The following INPP4B variants were observed in gnomAD, a reference collection of about 807,000 sequenced individuals.
INPP4B encodes the protein inositol polyphosphate 4-phosphatase type II.
A neutral mutation model predicts 122.5 loss-of-function variants in INPP4B; 55 were observed. That is an observed-to-expected ratio of 0.45 (90% CI 0.36 to 0.56). INPP4B has a LOEUF of 0.56. Among genes scored for constraint, INPP4B ranks in the 20% least tolerant of loss-of-function variants. INPP4B has a pLI of 0.00. For synonymous variants in INPP4B, 403 were observed against 388.7 expected (o/e 1.04, Z -0.43); for missense variants, 1,000 against 1,097.7 (o/e 0.91, Z 1.26).
intron 1 of INPP4B, among the ~76,000 whole-genome samples, chr4:142,771,668 T>C (rs1773090036): frequency 6.6e-6 from 1 of 152,134 alleles, no homozygotes; most frequent in African/African-American, 2.4e-5. Flanking sequence ...ACTGCAGTGC[T>C]ATAAATGGTT....
intron 2 of INPP4B, among the ~76,000 whole-genome samples, chr4:142,618,311 C>T (rs926937354): frequency 3.3e-5 from 5 of 152,018 alleles, no homozygotes; most frequent in African/African-American, 4.8e-5. Context: ...GGAGAAATCA[C>T]GCTTCCTGGT....
intron 8 of INPP4B, among the ~76,000 whole-genome samples, chr4:142,307,589 T>C (rs963884221): frequency 6.6e-6 from 1 of 152,348 alleles, no homozygotes; most frequent in East Asian, 1.9e-4. Flanking sequence ...CAGCTATTTA[T>C]AAACTACTGT....
At chr4:142,687,840 C>T (rs1045624166) in intron 2 of INPP4B, among the ~76,000 whole-genome samples, 1 of 152,102 alleles carries the variant, frequency 6.6e-6, no homozygotes, top group Non-Finnish European at 1.5e-5. Flanking sequence ...TTTTCATCAC[C>T]TAAGCTGCCA....
chr4:142,751,547 C>G (rs979692703), intron 1 of INPP4B, among the ~76,000 whole-genome samples: 5 of 152,112 alleles, frequency 3.3e-5, no homozygotes, highest in African/African-American at 9.7e-5. Context: ...CTTCAAGAAG[C>G]AGTAACACTC....
chr4:142,830,292 G>T (rs952009717), intron 1 of INPP4B, among the ~76,000 whole-genome samples: 6 of 152,140 alleles, frequency 3.9e-5, no homozygotes, highest in Admixed American at 1.3e-4. Context: ...ATTTAATATT[G>T]CCAAGTGGTC....
chr4:142,546,303 T>C (rs941085768), intron 2 of INPP4B, among the ~76,000 whole-genome samples: 4 of 152,232 alleles, frequency 2.6e-5, no homozygotes, highest in Non-Finnish European at 2.9e-5. Context: ...TTCCATTGTG[T>C]ATATGTACCA....
intron 21 of INPP4B, among the ~76,000 whole-genome samples, chr4:142,118,837 C>G (rs1439503289): frequency 1.3e-5 from 2 of 149,934 alleles, no homozygotes; most frequent in African/African-American, 4.9e-5. Flanking sequence ...CAAAAGAAAC[C>G]ACCATCAGAG....
intron 4 of INPP4B, 21 bp from the exon 5 acceptor site, chr4:142,429,238 T>C (rs1808772921): frequency 1.4e-6 from 2 of 1,434,944 alleles, no homozygotes; most frequent in African/African-American, 1.4e-5. Flanking sequence ...TAGGAGCAAA[T>C]TCAGATTTTT....
intron 18 of INPP4B, among the ~76,000 whole-genome samples, chr4:142,138,723 T>G (rs1806080021): frequency 6.6e-6 from 1 of 152,014 alleles, no homozygotes; most frequent in Non-Finnish European, 1.5e-5. Context: ...CCTACAGGCT[T>G]GTTGTGAAAA....
intron 2 of INPP4B, among the ~76,000 whole-genome samples, chr4:142,653,106 A>C (rs547054068): frequency 1.3e-5 from 2 of 152,336 alleles, no homozygotes; most frequent in East Asian, 3.9e-4. Flanking sequence ...CAAACCTGAC[A>C]AAAACAGGAA....
chr4:142,573,901 T>A (rs762525902), intron 2 of INPP4B, among the ~76,000 whole-genome samples: 6 of 152,146 alleles, frequency 3.9e-5, no homozygotes, highest in Non-Finnish European at 8.8e-5. Context: ...TACTTAAAAC[T>A]TCTTGGCTAC....
chr4:142,535,933 C>T (rs1828143533), intron 2 of INPP4B, among the ~76,000 whole-genome samples: 1 of 152,198 alleles, frequency 6.6e-6, no homozygotes, highest in African/African-American at 2.4e-5. Flanking sequence ...TTTTCTCAGA[C>T]TCCCTATGTC....
chr4:142,586,042 G>A (rs888654262), intron 2 of INPP4B, among the ~76,000 whole-genome samples: 1 of 151,948 alleles, frequency 6.6e-6, no homozygotes, highest in African/African-American at 2.4e-5. Flanking sequence ...GGGAGTGGTG[G>A]CTCATGCCTG....
intron 2 of INPP4B, among the ~76,000 whole-genome samples, chr4:142,477,309 G>A (rs911616103): frequency 6.6e-6 from 1 of 152,016 alleles, no homozygotes; most frequent in Non-Finnish European, 1.5e-5. Context: ...TGTTAAGAGG[G>A]AATTTGATAG....
At chr4:142,275,871 C>T (rs1748149700) in intron 9 of INPP4B, among the ~76,000 whole-genome samples, 2 of 151,334 alleles carry the variant, frequency 1.3e-5, no homozygotes, top group African/African-American at 4.9e-5. Flanking sequence ...GAAGATCTAC[C>T]CCAATCCCAT....
At chr4:142,280,747 A>C (rs1457711638) in intron 9 of INPP4B, among the ~76,000 whole-genome samples, 2 of 152,026 alleles carry the variant, frequency 1.3e-5, no homozygotes, top group Non-Finnish European at 2.9e-5. Context: ...CAAACAAAAA[A>C]ATCGCACAGC....
chr4:142,729,054 C>A (rs1765712728), intron 1 of INPP4B, among the ~76,000 whole-genome samples: 1 of 152,070 alleles, frequency 6.6e-6, no homozygotes, highest in Non-Finnish European at 1.5e-5. Flanking sequence ...CAAATGAAAC[C>A]ATTCTACCTC....
chr4:142,748,673 A>T (rs1048638268), intron 1 of INPP4B, among the ~76,000 whole-genome samples: 3 of 152,056 alleles, frequency 2.0e-5, no homozygotes, highest in Non-Finnish European at 2.9e-5. Context: ...AATCAGAAAA[A>T]AAAAATAGAA....
intron 18 of INPP4B, among the ~76,000 whole-genome samples, chr4:142,127,879 T>C (rs962640061): frequency 2.0e-5 from 3 of 152,188 alleles, no homozygotes; most frequent in Non-Finnish European, 4.4e-5. Flanking sequence ...TCTGTTAATA[T>C]GCAGTCAGTG....
Sources: gnomAD v4.1 joint callset for allele counts (sites outside exome capture counted in the v4.1 genomes callset) on GRCh38, gnomAD v4.1.1 for gene constraint, MANE v1.5 for transcripts, NCBI Gene and HGNC (gene_info 2026-07-23, HGNC 2026-07-21) for gene names.